MACROD2: variants seen among roughly 807,000 people sequenced by gnomAD.
MACROD2 encodes the protein ADP-ribose glycohydrolase MACROD2.
MACROD2 carries 36 observed loss-of-function variants against 70.4 expected under a neutral mutation model. The ratio of observed to expected loss-of-function variants is 0.51; its 90% CI spans 0.39 to 0.68. The LOEUF (loss-of-function observed/expected upper bound fraction) is 0.68. Ranked by LOEUF, MACROD2 falls within the 30% of genes least tolerant of loss-of-function variation. The pLI, the probability that MACROD2 is intolerant of heterozygous loss-of-function variation, is 0.00. For synonymous variants in MACROD2, 172 were observed against 178.8 expected, an observed-to-expected ratio of 0.96 and a Z score of 0.30; for missense variants, 496 against 538.4, an observed-to-expected ratio of 0.92 and a Z score of 0.78.
chr20:15,640,015 TAGAG>T (rs144488033), intron 8 of MACROD2, among the ~76,000 whole-genome samples: 7,526 of 122,304 alleles, frequency 0.062, 608 homozygotes, highest in African/African-American at 0.21. Flanking sequence ...AAGGGGATGA[TAGAG>T]AGAAGGAGAG....
chr20:14,803,536 A>G (rs1333871354), intron 5 of MACROD2, among the ~76,000 whole-genome samples: 1 of 152,062 alleles, frequency 6.6e-6, no homozygotes, highest in Non-Finnish European at 1.5e-5. Context: ...GCTGGAGTTC[A>G]ATGGTGCAAT....
intron 6 of MACROD2, among the ~76,000 whole-genome samples, chr20:15,426,219 A>AC (rs1245848870): frequency 6.7e-6 from 1 of 148,430 alleles, no homozygotes; most frequent in Non-Finnish European, 1.5e-5. Flanking sequence ...AAAAAAAAAA[A>AC]GGATTTCAGT....
At chr20:15,205,108 A>G (rs2076690369) in intron 5 of MACROD2, among the ~76,000 whole-genome samples, 1 of 152,184 alleles carries the variant, frequency 6.6e-6, no homozygotes, top group Non-Finnish European at 1.5e-5. Flanking sequence ...AAATAATCTC[A>G]GGGATTCTTA....
intron 8 of MACROD2, among the ~76,000 whole-genome samples, chr20:15,757,754 A>AAG (rs1038619954): frequency 5.3e-5 from 8 of 151,958 alleles, no homozygotes; most frequent in Admixed American, 1.3e-4. Context: ...AGAGATAGAG[A>AAG]AGAGAGAGAG....
At chr20:15,177,690 TTTACTTCCTTTTC>T (rs1601182271) in intron 5 of MACROD2, among the ~76,000 whole-genome samples, 1 of 152,158 alleles carries the variant, frequency 6.6e-6, no homozygotes, top group East Asian at 1.9e-4. Context: ...ACCTGTACAA[TTTACTTCCTTTTC>T]TGGAAAGACA....
At chr20:14,404,749 CCAGTGTGA>C (rs1311243862) in intron 3 of MACROD2, among the ~76,000 whole-genome samples, 1 of 151,946 alleles carries the variant, frequency 6.6e-6, no homozygotes, top group Non-Finnish European at 1.5e-5. Context: ...AGAACAGAAA[CCAGTGTGA>C]CAGCTATCTT....
intron 8 of MACROD2, among the ~76,000 whole-genome samples, chr20:15,729,393 T>C (rs1197095025): frequency 6.6e-6 from 1 of 152,208 alleles, no homozygotes; most frequent in Non-Finnish European, 1.5e-5. Context: ...TGTAGATGTC[T>C]CTTAGGTCCA....
chr20:14,976,253 T>C (rs983699933), intron 5 of MACROD2, among the ~76,000 whole-genome samples: 3 of 152,222 alleles, frequency 2.0e-5, no homozygotes, highest in Non-Finnish European at 1.5e-5. Context: ...AAAGTCAGTT[T>C]CCTTGGGCTA....
At chr20:15,841,652 C>T (rs920694070) in intron 8 of MACROD2, among the ~76,000 whole-genome samples, 3 of 152,052 alleles carry the variant, frequency 2.0e-5, no homozygotes, top group Admixed American at 6.6e-5. Flanking sequence ...GATTCACTCA[C>T]CTCCCACCAG....
intron 3 of MACROD2, among the ~76,000 whole-genome samples, chr20:14,161,914 C>T (rs1166834744): frequency 2.6e-5 from 4 of 152,122 alleles, no homozygotes; most frequent in African/African-American, 4.8e-5. Flanking sequence ...TAAGTTGATT[C>T]AATCACTTTG....
intron 3 of MACROD2, among the ~76,000 whole-genome samples, chr20:14,251,433 T>C (rs2082011406): frequency 6.6e-6 from 1 of 152,114 alleles, no homozygotes; most frequent in South Asian, 2.1e-4. Flanking sequence ...TCCAAGGGTA[T>C]ATCTGAGTAA....
chr20:14,597,973 T>C (rs1453840424), intron 4 of MACROD2, among the ~76,000 whole-genome samples: 2 of 152,162 alleles, frequency 1.3e-5, no homozygotes, highest in Non-Finnish European at 2.9e-5. Context: ...ATTAAAAATA[T>C]AATCTTACAA....
intron 6 of MACROD2, among the ~76,000 whole-genome samples, chr20:15,234,800 G>A (rs1036713751): frequency 2.0e-5 from 3 of 152,092 alleles, no homozygotes; most frequent in African/African-American, 7.2e-5. Flanking sequence ...TTGAGCCAGG[G>A]CTGGAAAATG....
intron 4 of MACROD2, among the ~76,000 whole-genome samples, chr20:14,602,381 A>G (rs560393974): frequency 3.3e-5 from 5 of 152,326 alleles, no homozygotes; most frequent in East Asian, 1.9e-4. Flanking sequence ...CACCGTGGGC[A>G]TGTTTAGTCA....
chr20:14,599,504 G>A (rs1029637141), intron 4 of MACROD2, among the ~76,000 whole-genome samples: 1 of 152,182 alleles, frequency 6.6e-6, no homozygotes, highest in African/African-American at 2.4e-5. Flanking sequence ...TAATACTCCT[G>A]TTTGGCTGTG....
intron 5 of MACROD2, among the ~76,000 whole-genome samples, chr20:14,987,576 C>T (rs531298361): frequency 9.6e-4 from 146 of 152,150 alleles, no homozygotes; most frequent in East Asian, 3.5e-3. Context: ...GTACACTGAG[C>T]GGAGTAGATC....
At chr20:14,632,803 A>G (rs1984585433) in intron 4 of MACROD2, among the ~76,000 whole-genome samples, 1 of 152,268 alleles carries the variant, frequency 6.6e-6, no homozygotes, top group Non-Finnish European at 1.5e-5. Context: ...TAATATTTTA[A>G]TGTAAAATAC....
At chr20:15,258,170 C>T (rs1340036555) in intron 6 of MACROD2, among the ~76,000 whole-genome samples, 1 of 151,920 alleles carries the variant, frequency 6.6e-6, no homozygotes. Context: ...AACGTTTAAA[C>T]AAATTTTGAT....
rs147898144 is a variant in MACROD2 at position 15,182,627 on chromosome 20, G to C, written c.419-47313G>C. Among the ~76,000 whole-genome samples, 240 of 152,288 alleles carry C rather than the reference G, an allele frequency of 1.6e-3. 1 individual carries two copies. The highest frequency in any genetic ancestry group is 5.6e-3 in the African/African-American group (232 of 41,546). On this transcript the variant is annotated intron_variant, in intron 5 of 17. Coordinates refer to ENST00000684519, the MANE Select transcript of MACROD2 (RefSeq NM_001351661.2). ...ATTATTTATAACTTAGAGGCATGCA[G>C]GTGTGTTCCCCTAGGCATCTCTTTC...
Sources: gnomAD v4.1 joint callset for allele counts (sites outside exome capture counted in the v4.1 genomes callset) on GRCh38, gnomAD v4.1.1 for gene constraint, MANE v1.5 for transcripts, NCBI Gene and HGNC (gene_info 2026-07-23, HGNC 2026-07-21) for gene names.